AXL: variants seen among roughly 807,000 people sequenced by gnomAD.
AXL encodes tyrosine-protein kinase receptor UFO.
AXL carries 52 observed loss-of-function variants against 104.5 expected under a neutral mutation model. That is an observed-to-expected ratio of 0.50 (90% CI 0.40 to 0.63). The LOEUF (loss-of-function observed/expected upper bound fraction) is 0.63, where lower values mean the gene tolerates loss of function less well. Ranked by LOEUF, AXL falls within the 20% of genes least tolerant of loss-of-function variation. The pLI, the probability that AXL is intolerant of heterozygous loss-of-function variation, is 0.00. For synonymous variants in AXL, 455 were observed against 473.7 expected (o/e 0.96, Z 0.51); for missense variants, 1,024 against 1,188.5 (o/e 0.86, Z 2.04).
chr19:41,242,499 T>A (rs897033883), intron 10 of AXL, among the ~76,000 whole-genome samples: 2 of 151,916 alleles, frequency 1.3e-5, no homozygotes, highest in South Asian at 4.2e-4. Context: ...TTTTTGTATA[T>A]ATTTTGTTTA....
Position 41,259,649 on chromosome 19 carries a change from G to C in AXL, c.2430G>C (p.Leu810Phe). 3 of 1,614,068 alleles carry C rather than the reference G, an allele frequency of 1.9e-6. No homozygotes were observed. Among genetic ancestry groups the C allele is most frequent in the Non-Finnish European group, 2.5e-6 (3 of 1,180,006 alleles). ...REDLENTLKA[L>F]PPAQEPDEIL... The stretch of plus-strand genomic sequence containing the variant: ...ATTTGGAGAACACACTGAAGGCCTT[G>C]CCTCCTGCCCAGGAGCCTGACGAAA... Residue 810 changes from leucine to phenylalanine, a missense_variant, in exon 20 of 20, where the codon TTG becomes TTC. Transcript: ENST00000301178.
chr19:41,257,019 C>A (rs1335021163), intron 18 of AXL, among the ~76,000 whole-genome samples: 1 of 152,004 alleles, frequency 6.6e-6, no homozygotes. Flanking sequence ...CATGTGTATA[C>A]CCGTGTCAAG....
chr19:41,253,540 A>C, intron 16 of AXL, 59 bp from the exon 17 acceptor site: 1 of 1,237,288 alleles, frequency 8.1e-7, no homozygotes, highest in Non-Finnish European at 1.2e-6. Context: ...GGATGGAGGG[A>C]GGAGGGATCG....
In AXL at chr19:41,248,784, G is replaced by A. The variant is rs1349708742; in HGVS notation, c.1675G>A (p.Asp559Asn). 6.8e-6 allele frequency: 11 copies of A among 1,613,800 alleles called. No individual in the cohort carries two copies. Among genetic ancestry groups the A allele is most frequent in the Middle Eastern group, 1.7e-4 (1 of 6,056 alleles). Reference sequence around the variant, plus strand: ...GATGGAAGGCCAGCTCAACCAGGACGACTCCATCCTCAAGGTGGCTGTGAA... The same window carrying A: ...GATGGAAGGCCAGCTCAACCAGGACAACTCCATCCTCAAGGTGGCTGTGAA... ...AVMEGQLNQD[D>N]SILKVAVKTM... The change falls in exon 14 of 20, where the codon GAC (aspartate) becomes AAC (asparagine). Residue 559 changes from aspartate (D) to asparagine (N), a missense_variant. This residue lies in a region of AXL where 523 missense variants were observed against 636.0 expected (regional missense o/e 0.82). Transcript: ENST00000301178.
At chr19:41,227,505 A>G (rs1473261871) in intron 4 of AXL, among the ~76,000 whole-genome samples, 1 of 113,512 alleles carries the variant, frequency 8.8e-6, no homozygotes, top group Non-Finnish European at 1.9e-5. Flanking sequence ...TTTTTTTTTT[A>G]GACAGAGTCT....
At chr19:41,248,168 C>G (rs2034301563) in intron 12 of AXL, among the ~76,000 whole-genome samples, 3 of 152,226 alleles carry the variant, frequency 2.0e-5, no homozygotes, top group Admixed American at 2.0e-4. Context: ...AAGTGATCCA[C>G]CTGCCTCTGC....
chr19:41,259,587 C>A lies in AXL; in HGVS notation c.2368C>A (p.Pro790Thr), dbSNP rs1162289313. Residue 790 changes from proline to threonine, a missense_variant, in exon 20 of 20, where the codon CCC (proline) becomes ACC (threonine). Around this residue, in one of 5 missense-constraint regions of AXL, gnomAD observed 523 missense variants for 636.0 expected, o/e 0.82. Coordinates refer to ENST00000301178, the MANE Select transcript of AXL (RefSeq NM_021913.5). ...GATGTCGCGGTGCTGGGAGCTAAAT[C>A]CCCAGGACCGGCCAAGTTTTACAGA... The part of the protein sequence containing the change: ...ALMSRCWELN[P>T]QDRPSFTELR... The A allele has an allele frequency of 3.7e-6, 6 of 1,612,146 alleles. No individual in the cohort carries two copies. Among genetic ancestry groups the A allele is most frequent in the Non-Finnish European group, 5.1e-6 (6 of 1,179,004 alleles).
chr19:41,243,477 T>C, intron 11 of AXL, 139 bp from the exon 12 acceptor site: 1 of 737,532 alleles, frequency 1.4e-6, no homozygotes, highest in Non-Finnish European at 2.5e-6. Context: ...AGAAGGTAGC[T>C]GCCCAAGGCA....
chr19:41,221,794 C>A, intron 3 of AXL, 86 bp from the exon 4 acceptor site: 1 of 1,458,206 alleles, frequency 6.9e-7, no homozygotes, highest in Non-Finnish European at 9.2e-7. Flanking sequence ...GGGTTTGCTG[C>A]CCAAAGCCTA....
chr19:41,239,376 C>T, intron 9 of AXL, 62 bp downstream of exon 9: 1 of 1,524,880 alleles, frequency 6.6e-7, no homozygotes, highest in Non-Finnish European at 8.8e-7. Flanking sequence ...CCCTGACTTA[C>T]TCCTTGTACC....
At chr19:41,225,250 C>T (rs956879072) in intron 4 of AXL, among the ~76,000 whole-genome samples, 5 of 152,328 alleles carry the variant, frequency 3.3e-5, no homozygotes, top group South Asian at 4.1e-4. Flanking sequence ...AGTGATCCAC[C>T]GGCCTCGGCC....
Position 41,256,472 on chromosome 19 carries a change from T to A in AXL, c.2057T>A (p.Val686Glu). 6.2e-7 allele frequency: 1 copy of A among 1,613,898 alleles called. No homozygotes were observed. Among genetic ancestry groups the A allele is most frequent in the Non-Finnish European group, 8.5e-7 (1 of 1,179,828 alleles). Reference sequence around the variant, plus strand: ...AACAGGCTGAATGAGAACATGTCCGTGTGTGTGGCGGACTTCGGGCTCTCC... The same window carrying A: ...AACAGGCTGAATGAGAACATGTCCGAGTGTGTGGCGGACTTCGGGCTCTCC... Reference protein sequence around the residue: ...RNCMLNENMSVCVADFGLSKK... With the variant: ...RNCMLNENMSECVADFGLSKK... The change falls in exon 18 of 20, where the codon GTG becomes GAG. Residue 686 changes from valine (V) to glutamate (E), a missense_variant. This residue lies in a region of AXL where 523 missense variants were observed against 636.0 expected (regional missense o/e 0.82). Transcript: ENST00000301178.
At chr19:41,220,968 G>C in intron 2 of AXL, 110 bp downstream of exon 2, 2 of 1,329,016 alleles carry the variant, frequency 1.5e-6, no homozygotes, top group East Asian at 2.4e-5. Context: ...GCGGCTTTGA[G>C]CATGTGATGG....
At chr19:41,249,972 C>G (rs1024807733) in intron 14 of AXL, among the ~76,000 whole-genome samples, 2 of 152,114 alleles carry the variant, frequency 1.3e-5, no homozygotes, top group African/African-American at 4.8e-5. Flanking sequence ...GGGGCCGGCC[C>G]ACTGTGATAC....
rs1599736111 is a variant in AXL, at chr19:41,242,761, C to T, written c.1313-122C>T. 3 of 1,284,634 alleles carry T rather than the reference C, an allele frequency of 2.3e-6. No individual in the cohort carries two copies. In the East Asian group the frequency reaches 7.0e-5, roughly 30 times the overall value. The allele number at this position is 1,284,634 out of a possible 1,614,324, so 79.6% of individuals were successfully genotyped here. ...ATATGTGAATGCATCCATCACACAC[C>T]TCATCAAGTATGTGCACATCTTTGC... On this transcript the variant is annotated intron_variant, in intron 10 of 19. Coordinates refer to ENST00000301178, the MANE Select transcript of AXL (RefSeq NM_021913.5).
chr19:41,249,576 C>T (rs543961553), intron 14 of AXL, among the ~76,000 whole-genome samples: 108 of 151,978 alleles, frequency 7.1e-4, no homozygotes, highest in African/African-American at 2.5e-3. Flanking sequence ...ATCTGCATAG[C>T]GAAACCCCAC....
chr19:41,252,077 C>T (rs1348257171), intron 14 of AXL, among the ~76,000 whole-genome samples: 3 of 145,780 alleles, frequency 2.1e-5, no homozygotes, highest in Admixed American at 6.9e-5. Flanking sequence ...CAAACCACTG[C>T]ACTCCAGCCT....
Position 41,227,427 on chromosome 19 carries a change from A to C in AXL, c.587-3540A>C, listed in dbSNP as rs116265760. Among the ~76,000 whole-genome samples, 113 of 151,470 alleles carry C rather than the reference A, an allele frequency of 7.5e-4. 3 individuals carry two copies. The highest frequency in any genetic ancestry group is 2.7e-3 in the African/African-American group (110 of 41,276). ...TTCACCTTTTCACTTAAAAGGAAGC[A>C]CTTTAAGGCTTCTCTTTGGCCTATC... On this transcript the variant is annotated intron_variant, in intron 4 of 19. Coordinates refer to ENST00000301178, the MANE Select transcript of AXL (RefSeq NM_021913.5).
chr19:41,222,780 C>T (rs1012073652), intron 4 of AXL, among the ~76,000 whole-genome samples: 6 of 151,852 alleles, frequency 4.0e-5, no homozygotes, highest in African/African-American at 9.7e-5. Context: ...GTGGCGGGCG[C>T]CTGTAGTCCC....
Sources: allele counts gnomAD v4.1 joint callset (sites outside exome capture counted in the v4.1 genomes callset), GRCh38; gene constraint gnomAD v4.1.1; regional missense constraint gnomAD v4.1.1; transcripts MANE v1.5; gene names NCBI Gene and HGNC (gene_info 2026-07-23, HGNC 2026-07-21).